The following ARID5A variants were observed in gnomAD, a reference collection of about 807,000 sequenced individuals.
ARID5A encodes the protein AT-rich interaction domain 5A, also known as AT-rich interactive domain-containing protein 5A.
A neutral mutation model predicts 30.5 loss-of-function variants in ARID5A; 14 were observed. That is an observed-to-expected ratio of 0.46 (90% CI 0.30 to 0.72). The LOEUF (loss-of-function observed/expected upper bound fraction) is 0.72, where lower values mean the gene tolerates loss of function less well. ARID5A is among the 30% of genes least tolerant of loss of function. The probability of loss-of-function intolerance (pLI) is 0.07; values close to 1 mark genes in which losing one functional copy is unlikely to be tolerated. For missense variants in ARID5A, 669 were observed against 786.2 expected (o/e 0.85, Z 1.78); for synonymous variants, 338 against 340.4 (o/e 0.99, Z 0.08).
chr2:96,547,746 G>T (rs1163731976), intron 2 of ARID5A, among the ~76,000 whole-genome samples: 7 of 152,154 alleles, frequency 4.6e-5, no homozygotes, highest in Admixed American at 4.6e-4. Context: ...CTACCACCCT[G>T]ATCCATTAAA....
Position 96,550,892 on chromosome 2 carries a change from A to T in ARID5A, c.570+159A>T, listed in dbSNP as rs531379636. On this transcript the variant is annotated intron_variant, in intron 6 of 6. Coordinates refer to ENST00000357485, the MANE Select transcript of ARID5A (RefSeq NM_212481.3). The surrounding 1 kb of genome is among the most constrained non-coding windows in gnomAD (Gnocchi z 6.6). ...CAGGTTCTCCACAGATGGTTGTGCAAGTGGACTCTGAACTCCAGCCTGCGC... is the reference window on the plus strand; with the variant it reads ...CAGGTTCTCCACAGATGGTTGTGCATGTGGACTCTGAACTCCAGCCTGCGC... 2.6e-5 allele frequency among the ~76,000 whole-genome samples: 4 copies of T among 152,132 alleles called. No individual in the cohort carries two copies. The highest frequency in any genetic ancestry group is 5.9e-5 in the Non-Finnish European group (4 of 68,002).
intron 1 of ARID5A, chr2:96,538,422 C>A: frequency 1.3e-6 from 1 of 771,616 alleles, no homozygotes; most frequent in Non-Finnish European, 1.6e-6. Context: ...GCTCTTGTGG[C>A]CTCAGCTGCC....
chr2:96,550,135 C>A lies in ARID5A; in HGVS notation c.313-53C>A. The A allele has an allele frequency of 6.5e-7, 1 of 1,530,936 alleles. No homozygotes were observed. Among genetic ancestry groups the A allele is most frequent in the Non-Finnish European group, 8.8e-7 (1 of 1,142,602 alleles). The allele number at this position is 1,530,936 out of a possible 1,614,324, so 94.8% of individuals were successfully genotyped here. On this transcript the variant is annotated intron_variant, in intron 4 of 6. Coordinates refer to ENST00000357485, the MANE Select transcript of ARID5A (RefSeq NM_212481.3). The surrounding 1 kb of genome is among the most constrained non-coding windows in gnomAD (Gnocchi z 6.6). The stretch of plus-strand genomic sequence containing the variant: ...GCGAGGGCGGCCGGAGCTGCAAGGA[C>A]CCCGCCGCCAGGGGGCGCCCGCCGG...
Position 96,536,768 on chromosome 2 carries a change from G to C in ARID5A, c.-59G>C. On this transcript the variant is annotated 5_prime_UTR_variant, in exon 1 of 7. Coordinates refer to ENST00000357485, the MANE Select transcript of ARID5A (RefSeq NM_212481.3). ...CGAGCCAGTATCTCAGAGAGCGCGG[G>C]GTCCGGACAGCCGCGCGCTGAGGGT... 1 of 1,226,482 alleles carries C rather than the reference G, an allele frequency of 8.2e-7. No homozygotes were observed. The allele number at this position is 1,226,482 out of a possible 1,614,324, so 76.0% of individuals were successfully genotyped here.
intron 6 of ARID5A, 97 bp from the exon 7 acceptor site, chr2:96,551,002 C>T (rs1449195514): frequency 1.6e-5 from 22 of 1,395,076 alleles, no homozygotes; most frequent in Admixed American, 8.7e-5. Context: ...CAGGGGCTGG[C>T]GGGGGACCTG....
chr2:96,542,891 T>G (rs2065869280), intron 1 of ARID5A, among the ~76,000 whole-genome samples: 1 of 152,136 alleles, frequency 6.6e-6, no homozygotes, highest in Admixed American at 6.5e-5. Flanking sequence ...GAGGTGCTTC[T>G]GGACCTGGAA....
At chr2:96,548,830 G>C (rs2065974847) in intron 2 of ARID5A, among the ~76,000 whole-genome samples, 1 of 152,370 alleles carries the variant, frequency 6.6e-6, no homozygotes, top group East Asian at 1.9e-4. Context: ...CCACACAGAG[G>C]CTCGGGGAAC....
chr2:96,541,981 A>T (rs1424176320), intron 1 of ARID5A, among the ~76,000 whole-genome samples: 1 of 152,140 alleles, frequency 6.6e-6, no homozygotes, highest in African/African-American at 2.4e-5. Context: ...TCCTCCACAG[A>T]GCCAGGAGAG....
At chr2:96,541,802 T>C (rs898661220) in intron 1 of ARID5A, among the ~76,000 whole-genome samples, 2 of 152,208 alleles carry the variant, frequency 1.3e-5, no homozygotes, top group African/African-American at 4.8e-5. Flanking sequence ...AAATAAAACA[T>C]GTAAGGCATT....
chr2:96,537,662 T>A lies in ARID5A; in HGVS notation c.4+832T>A, dbSNP rs2065762940. The A allele has an allele frequency of 6.3e-6, 1 of 157,840 alleles. No individual in the cohort carries two copies. The highest frequency in any genetic ancestry group is 2.0e-4 in the South Asian group (1 of 4,920). The allele number at this position is 157,840 out of a possible 1,614,324, so 9.8% of individuals were successfully genotyped here. On this transcript the variant is annotated intron_variant, in intron 1 of 6. Transcript: ENST00000357485. This position sits in a 1 kb window ranked among gnomAD's most constrained non-coding sequence, Gnocchi z 4.8. The stretch of plus-strand genomic sequence containing the variant: ...AGGGGAAGAGGGCAAGAGCGTGGGC[T>A]ACGAGCTTGCAGGCGATGCCCGGCT...
chr2:96,545,371 G>A (rs1193092146), intron 1 of ARID5A, among the ~76,000 whole-genome samples: 1 of 151,662 alleles, frequency 6.6e-6, no homozygotes, highest in African/African-American at 2.4e-5. Flanking sequence ...TGGCCAGGCT[G>A]GTCTCAAACT....
At position 96,551,876 on chromosome 2, in the gene ARID5A, G is replaced by A; in HGVS notation, c.1348G>A (p.Glu450Lys). The change falls in exon 7 of 7, where the codon GAG (glutamate) becomes AAG (lysine). Residue 450 changes from glutamate (E) to lysine (K), a missense_variant. By Grantham distance (56) the Glu-to-Lys change is moderately conservative. This residue lies in a region of ARID5A where 548 missense variants were observed against 577.4 expected (regional missense o/e 0.95). Coordinates refer to ENST00000357485, the MANE Select transcript of ARID5A (RefSeq NM_212481.3). Reference protein sequence around the residue: ...GLGSKRSLEEEGAAHSGKRLR... With the variant: ...GLGSKRSLEEKGAAHSGKRLR... ...GGGCAGCAAGCGCAGCCTGGAGGAA[G>A]AGGGTGCTGCCCACAGTGGGAAGAG... The A allele has an allele frequency of 6.3e-7, 1 of 1,579,230 alleles. No homozygotes were observed. Among genetic ancestry groups the A allele is most frequent in the Non-Finnish European group, 8.6e-7 (1 of 1,165,856 alleles).
rs184116781 is a variant in ARID5A at position 96,545,158 on chromosome 2, T to G, written c.5-2244T>G. ...CCTTTTCTTTTCTTTTTCTTTTTCT[T>G]TTTTTTTTTTTTTTTTGAGACAGAG... On this transcript the variant is annotated intron_variant, in intron 1 of 6. Transcript: ENST00000357485. 6.5e-3 allele frequency among the ~76,000 whole-genome samples: 423 copies of G among 65,406 alleles called. 2 individuals are homozygous for G. The highest frequency in any genetic ancestry group is 0.023 in the African/African-American group (392 of 16,852). 42.9% of individuals were successfully genotyped at this position (65,406 alleles called of 152,430 possible).
chr2:96,549,572 G>A lies in ARID5A; in HGVS notation c.259+113G>A, dbSNP rs1202368633. 2 of 1,502,492 alleles carry A rather than the reference G, an allele frequency of 1.3e-6. No individual in the cohort carries two copies. Among genetic ancestry groups the A allele is most frequent in the East Asian group, 4.6e-5 (2 of 43,886 alleles). 93.1% of individuals were successfully genotyped at this position (1,502,492 alleles called of 1,614,324 possible). A position where few individuals can be genotyped will look rare whatever the true frequency, so the allele number is the denominator to read the frequency against. ...GACCCAGGTTGCAGATAGAAAGGAG[G>A]CCTCCCTCCAGGCTGCCACTGGGCC... is the stretch of plus-strand genomic sequence containing the variant. On this transcript the variant is annotated intron_variant, in intron 3 of 6. Transcript: ENST00000357485. This position sits in a 1 kb window ranked among gnomAD's most constrained non-coding sequence, Gnocchi z 6.1.
rs2065813043 is a variant in ARID5A, at chr2:96,539,763, C to G, written c.4+2933C>G. Among the ~76,000 whole-genome samples the G allele has an allele frequency of 6.6e-6, 1 of 152,074 alleles. No individual in the cohort carries two copies. Among genetic ancestry groups the G allele is most frequent in the African/African-American group, 2.4e-5 (1 of 41,368 alleles). On this transcript the variant is annotated intron_variant, in intron 1 of 6. Coordinates refer to ENST00000357485, the MANE Select transcript of ARID5A (RefSeq NM_212481.3). This position sits in a 1 kb window ranked among gnomAD's most constrained non-coding sequence, Gnocchi z 4.7. ...CTGCTGCCCAGCTCTCTGACCAGCC[C>G]CCTCCCATCCCTGAGCCTGGATGCC...
intron 1 of ARID5A, among the ~76,000 whole-genome samples, 166 bp from the exon 2 acceptor site, chr2:96,547,236 T>G (rs979140649): frequency 6.6e-6 from 1 of 151,832 alleles, no homozygotes; most frequent in Admixed American, 6.6e-5. Context: ...GGTCATCGCC[T>G]GCCTGGGCCT....
chr2:96,544,067 G>C (rs750344193), intron 1 of ARID5A, among the ~76,000 whole-genome samples: 2 of 152,218 alleles, frequency 1.3e-5, no homozygotes, highest in Non-Finnish European at 2.9e-5. Flanking sequence ...CCAGACCAAG[G>C]CTCTAAATCT....
In ARID5A at chr2:96,537,725, C is replaced by T; in HGVS notation, c.4+895C>T. The stretch of plus-strand genomic sequence containing the variant: ...GGAGCTGCGGGCCAACCCGGGCCCG[C>T]GCTCCGTCCCTCCGCGGTGTCTAGG... On this transcript the variant is annotated intron_variant, in intron 1 of 6. Transcript: ENST00000357485. This position sits in a 1 kb window ranked among gnomAD's most constrained non-coding sequence, Gnocchi z 4.8. 2 of 381,076 alleles carry T rather than the reference C, an allele frequency of 5.2e-6. No individual in the cohort carries two copies. Among genetic ancestry groups the T allele is most frequent in the Non-Finnish European group, 7.2e-6 (2 of 277,412 alleles). The allele number at this position is 381,076 out of a possible 1,614,324, so 23.6% of individuals were successfully genotyped here. A position where few individuals can be genotyped will look rare whatever the true frequency, so the allele number is the denominator to read the frequency against.
chr2:96,552,317 A>C lies in ARID5A; in HGVS notation c.*4A>C. Reference sequence around the variant, plus strand: ...CCACCTCAACACCAAGCTGTAGGCCAGCCCATGGTGTTGTGTACACTGTGG... The same window carrying C: ...CCACCTCAACACCAAGCTGTAGGCCCGCCCATGGTGTTGTGTACACTGTGG... On this transcript the variant is annotated 3_prime_UTR_variant, in exon 7 of 7. Coordinates refer to ENST00000357485, the MANE Select transcript of ARID5A (RefSeq NM_212481.3). The C allele has an allele frequency of 6.2e-7, 1 of 1,613,348 alleles. No individual in the cohort carries two copies. The highest frequency in any genetic ancestry group is 8.5e-7 in the Non-Finnish European group (1 of 1,180,010).
Sources: gnomAD v4.1 joint callset for allele counts (sites outside exome capture counted in the v4.1 genomes callset) on GRCh38, gnomAD v4.1.1 for gene constraint, gnomAD v4.1.1 regional missense constraint, Gnocchi (gnomAD v3.1) non-coding constraint, MANE v1.5 for transcripts, NCBI Gene and HGNC (gene_info 2026-07-23, HGNC 2026-07-21) for gene names.